Variants in CLCN4 observed in about 807,000 individuals in gnomAD.
CLCN4 encodes H(+)/Cl(-) exchange transporter 4.
Under a neutral mutation model 41.7 loss-of-function variants are expected in CLCN4, and 1 was observed. The observed-to-expected ratio is 0.02, with a 90% CI of 0.01 to 0.11. CLCN4 has a LOEUF of 0.11. Among genes scored for constraint, CLCN4 ranks in the 10% least tolerant of loss-of-function variants. The pLI is 1.00. For synonymous variants in CLCN4, 277 were observed against 285.8 expected (o/e 0.97, Z 0.31); for missense variants, 287 against 661.0 (o/e 0.43, Z 6.20).
intron 6 of CLCN4, among the ~76,000 whole-genome samples, chrX:10,201,840 G>A (rs1327583102): frequency 8.9e-6 from 1 of 111,852 alleles, no homozygotes; most frequent in Admixed American, 9.5e-5. Context: ...AGGTACGGGG[G>A]CTCATGCCTG....
At chrX:10,190,976 C>T (rs1192153726) in intron 4 of CLCN4, among the ~76,000 whole-genome samples, 1 of 112,056 alleles carries the variant, frequency 8.9e-6, no homozygotes, top group Non-Finnish European at 1.9e-5. Flanking sequence ...TAAGCCTCAC[C>T]TCCCTCACCT....
At chrX:10,183,055 C>T (rs182801559) in intron 2 of CLCN4, among the ~76,000 whole-genome samples, 2 of 111,806 alleles carry the variant, frequency 1.8e-5, no homozygotes, top group African/African-American at 6.5e-5. Flanking sequence ...AGCCTGTCGT[C>T]TTGTTTTTCC....
intron 6 of CLCN4, among the ~76,000 whole-genome samples, chrX:10,205,486 A>AG (rs1172515778): frequency 9.9e-6 from 1 of 100,528 alleles, no homozygotes; most frequent in Admixed American, 1.0e-4. Context: ...AAAAAAAAAA[A>AG]AAAAGAAAAA....
chrX:10,177,882 T>A (rs924684110), intron 2 of CLCN4, among the ~76,000 whole-genome samples: 4 of 111,543 alleles, frequency 3.6e-5, no homozygotes, highest in Admixed American at 2.9e-4. Context: ...CAAATGGCCG[T>A]CAGCTGATGA....
rs1318843865 is a variant in CLCN4, at chrX:10,201,610, G to C, written c.555+3549G>C. ...GCTGTTCTTCATTCATTCTAGCAAA[G>C]ATATTGACTGAACTATTTGGAAAAC... On this transcript the variant is annotated intron_variant, in intron 6 of 12. Transcript: ENST00000380833. Among the ~76,000 whole-genome samples, 3 of 112,359 alleles carry C rather than the reference G, an allele frequency of 2.7e-5. No individual in the cohort carries two copies. In the East Asian group the frequency reaches 8.3e-4, roughly 31 times the overall value.
At chrX:10,212,348 C>A in intron 9 of CLCN4, 119 bp from the exon 10 acceptor site, 1 of 682,173 alleles carries the variant, frequency 1.5e-6, no homozygotes. Flanking sequence ...CAGAGTTGCA[C>A]CTCCTCTGAA....
chrX:10,187,380 C>T (rs1443420939), intron 3 of CLCN4, 135 bp from the exon 4 acceptor site: 1 of 494,381 alleles, frequency 2.0e-6, no homozygotes, highest in African/African-American at 2.3e-5. Flanking sequence ...AGAATCACAT[C>T]AGTGGGAATT....
At chrX:10,174,924 G>A (rs763388131) in intron 2 of CLCN4, among the ~76,000 whole-genome samples, 2 of 112,122 alleles carry the variant, frequency 1.8e-5, no homozygotes, top group East Asian at 2.8e-4. Context: ...AAGAATTCTG[G>A]TTCCTGAGCT....
At chrX:10,229,748 T>G (rs1415468695) in intron 12 of CLCN4, among the ~76,000 whole-genome samples, 2 of 111,957 alleles carry the variant, frequency 1.8e-5, no homozygotes, top group African/African-American at 3.2e-5. Flanking sequence ...GGCTGCATAG[T>G]ATTCCATAGT....
chrX:10,228,172 C>T (rs759820307), intron 12 of CLCN4, among the ~76,000 whole-genome samples: 3 of 110,506 alleles, frequency 2.7e-5, no homozygotes, highest in Admixed American at 9.7e-5. Flanking sequence ...AATACTAGAT[C>T]GTATTCATTC....
chrX:10,201,725 AT>A (rs1206402439), intron 6 of CLCN4, among the ~76,000 whole-genome samples: 1 of 112,556 alleles, frequency 8.9e-6, no homozygotes, highest in Non-Finnish European at 1.9e-5. Context: ...ACTTATGTAT[AT>A]TTAAAAAATT....
intron 4 of CLCN4, among the ~76,000 whole-genome samples, chrX:10,193,869 A>G (rs780742398): frequency 9.0e-6 from 1 of 110,987 alleles, no homozygotes; most frequent in Non-Finnish European, 1.9e-5. Context: ...CCTTAGCTGC[A>G]TGGGAATCTC....
intron 6 of CLCN4, among the ~76,000 whole-genome samples, chrX:10,201,220 G>A (rs983997054): frequency 1.8e-5 from 2 of 112,007 alleles, no homozygotes; most frequent in Admixed American, 9.5e-5. Context: ...AGGCAAACAC[G>A]AGGTAGCCAC....
chrX:10,169,775 CTTTTTCTTTTCTTTTCTTTTT>C (rs1364332638), intron 2 of CLCN4, among the ~76,000 whole-genome samples: 2 of 84,990 alleles, frequency 2.4e-5, no homozygotes, highest in African/African-American at 1.1e-4. Flanking sequence ...CTTTTTTTTT[CTTTTTCTTTTCTTTTCTTTTT>C]TTTTTTTTTT....
Position 10,225,836 on chromosome X carries a change from T to C in CLCN4, c.2192+4959T>C, listed in dbSNP as rs190051690. ...TAGCTAACCAATTCTCCCAGCATCA[T>C]TTATTAAATAGGGAGTCCTTTCCCC... On this transcript the variant is annotated intron_variant, in intron 12 of 12. Coordinates refer to ENST00000380833, the MANE Select transcript of CLCN4 (RefSeq NM_001830.4). Among the ~76,000 whole-genome samples the C allele has an allele frequency of 8.0e-5, 9 of 112,080 alleles. 1 individual carries two copies. In the Admixed American group the frequency reaches 8.5e-4, roughly 11 times the overall value.
rs1279336649 is a variant in CLCN4 at position 10,235,127 on chromosome X, C to T, written c.*1543C>T. ...CATAACATCATTGGGATCCCCATCC[C>T]GTTGCTATTTCTTTTTCACCGTTTT... is the stretch of plus-strand genomic sequence containing the variant. On this transcript the variant is annotated 3_prime_UTR_variant, in exon 13 of 13. Transcript: ENST00000380833. 1.8e-5 allele frequency: 2 copies of T among 112,332 alleles called. No homozygotes were observed. Among genetic ancestry groups the T allele is most frequent in the African/African-American group, 6.5e-5 (2 of 30,840 alleles). The allele number at this position is 112,332 out of a possible 1,213,427, so 9.3% of individuals were successfully genotyped here. A position where few individuals can be genotyped will look rare whatever the true frequency, so the allele number is the denominator to read the frequency against.
At chrX:10,213,553 C>T in intron 10 of CLCN4, 128 bp from the exon 11 acceptor site, 1 of 618,168 alleles carries the variant, frequency 1.6e-6, no homozygotes, top group South Asian at 2.8e-5. Context: ...GTGTAGGAAG[C>T]ATGTAGGAGA....
At chrX:10,198,390 C>T (rs1384246323) in intron 6 of CLCN4, among the ~76,000 whole-genome samples, 2 of 111,984 alleles carry the variant, frequency 1.8e-5, no homozygotes, top group Non-Finnish European at 3.8e-5. Flanking sequence ...CCAGGCATAA[C>T]TCTTAAAGCC....
At chrX:10,172,659 A>G (rs768995014) in intron 2 of CLCN4, among the ~76,000 whole-genome samples, 3 of 94,321 alleles carry the variant, frequency 3.2e-5, no homozygotes, top group Admixed American at 1.3e-4. Flanking sequence ...GTGTGTGTGT[A>G]TGTGAGAGAG....
Sources: gnomAD v4.1 joint callset for allele counts (sites outside exome capture counted in the v4.1 genomes callset) on GRCh38, gnomAD v4.1.1 for gene constraint, MANE v1.5 for transcripts, NCBI Gene and HGNC (gene_info 2026-07-23, HGNC 2026-07-21) for gene names.